The following PPP2R2D variants were observed in gnomAD, a reference collection of about 807,000 sequenced individuals.
PPP2R2D encodes the protein protein phosphatase 2 regulatory subunit Bdelta, also known as serine/threonine-protein phosphatase 2A 55 kDa regulatory subunit B delta isoform.
In PPP2R2D, 9 loss-of-function variants were observed where a neutral mutation model predicts 31.1. The ratio of observed to expected loss-of-function variants is 0.29; its 90% confidence interval spans 0.17 to 0.51. The LOEUF (loss-of-function observed/expected upper bound fraction) is 0.51. Ranked by LOEUF, PPP2R2D falls within the 20% of genes least tolerant of loss-of-function variation. The probability of loss-of-function intolerance (pLI) is 0.98; values close to 1 mark genes in which losing one functional copy is unlikely to be tolerated. For synonymous variants in PPP2R2D, 179 were observed against 172.6 expected, an observed-to-expected ratio of 1.04 and a Z score of -0.29; for missense variants, 391 against 465.6, an observed-to-expected ratio of 0.84 and a Z score of 1.48.
chr10:131,923,422 G>A (rs1374765523), intron 2 of PPP2R2D, among the ~76,000 whole-genome samples: 1 of 152,158 alleles, frequency 6.6e-6, no homozygotes, highest in South Asian at 2.1e-4. Flanking sequence ...TCTTGTACAT[G>A]TTTTTGTATA....
intron 2 of PPP2R2D, among the ~76,000 whole-genome samples, chr10:131,925,933 C>T (rs1419165475): frequency 4.6e-5 from 7 of 152,298 alleles, no homozygotes; most frequent in African/African-American, 9.6e-5. Flanking sequence ...CGTTTTTCAG[C>T]GCACACACAG....
chr10:131,939,481 G>A (rs1276325603), intron 3 of PPP2R2D, among the ~76,000 whole-genome samples: 1 of 72,912 alleles, frequency 1.4e-5, no homozygotes, highest in African/African-American at 6.1e-5. Flanking sequence ...CAGAAAACAC[G>A]GCAGGCTGCA....
chr10:131,965,186 A>G, the PPP2R2D span, among the ~76,000 whole-genome samples: 2 of 152,188 alleles, frequency 1.3e-5, no homozygotes, highest in Non-Finnish European at 2.9e-5. Flanking sequence ...AGGGGGCCAC[A>G]TGGCTGGCAG....
chr10:131,918,864 C>CAT (rs2035893152), intron 2 of PPP2R2D, among the ~76,000 whole-genome samples: 2 of 128,754 alleles, frequency 1.6e-5, no homozygotes, highest in African/African-American at 3.0e-5. Context: ...GGACCTCAGG[C>CAT]GGGTGGAATG....
At chr10:131,946,463 G>A (rs2036543582) in intron 7 of PPP2R2D, among the ~76,000 whole-genome samples, 1 of 152,168 alleles carries the variant, frequency 6.6e-6, no homozygotes, top group South Asian at 2.1e-4. Flanking sequence ...TCGGTGGAAT[G>A]TGCCCATGGA....
chr10:131,915,626 A>C (rs2035765500), intron 2 of PPP2R2D, among the ~76,000 whole-genome samples: 1 of 152,156 alleles, frequency 6.6e-6, no homozygotes, highest in Non-Finnish European at 1.5e-5. Context: ...GTGTTTATCC[A>C]AATAGATCCA....
chr10:131,928,245 C>T (rs11146134), intron 2 of PPP2R2D, among the ~76,000 whole-genome samples: 31,433 of 152,064 alleles, frequency 0.21, 3,395 homozygotes, highest in South Asian at 0.26. Flanking sequence ...TTATAACCAC[C>T]TCCTGGGCTG....
intron 2 of PPP2R2D, among the ~76,000 whole-genome samples, chr10:131,922,179 G>A (rs1050807861): frequency 1.8e-4 from 27 of 152,120 alleles, no homozygotes; most frequent in African/African-American, 6.5e-4. Flanking sequence ...CTAATTTTCC[G>A]AGTAAAACAC....
intron 2 of PPP2R2D, among the ~76,000 whole-genome samples, chr10:131,906,258 G>C (rs1214277146): frequency 6.6e-6 from 1 of 152,156 alleles, no homozygotes; most frequent in African/African-American, 2.4e-5. Context: ...TATTGAACCT[G>C]GTTTTATATA....
intron 8 of PPP2R2D, among the ~76,000 whole-genome samples, chr10:131,950,396 T>C (rs2036615136): frequency 6.6e-6 from 1 of 152,022 alleles, no homozygotes. Context: ...ATATCTTAAA[T>C]GCACCCAAGG....
chr10:131,959,168 G>GAGATGAAGGCGTGTGCTGATCCCCCC lies in PPP2R2D; in HGVS notation c.*3205_*3206insAGATGAAGGCGTGTGCTGATCCCCCC, dbSNP rs2036879201. ...AGATGAAGGTGTGTGCTGATCCCCG[G>GAGATGAAGGCGTGTGCTGATCCCCCC]TCCCCCTGTGGAGATGAAGGTGTGT... On this transcript the variant is annotated 3_prime_UTR_variant, in exon 9 of 9. Coordinates refer to ENST00000455566, the MANE Select transcript of PPP2R2D (RefSeq NM_018461.5). The GAGATGAAGGCGTGTGCTGATCCCCCC allele has an allele frequency of 1.6e-5, 1 of 64,332 alleles. No homozygotes were observed. Among genetic ancestry groups the GAGATGAAGGCGTGTGCTGATCCCCCC allele is most frequent in the Non-Finnish European group, 2.8e-5 (1 of 35,802 alleles). 4.0% of individuals were successfully genotyped at this position (64,332 alleles called of 1,614,324 possible).
intron 2 of PPP2R2D, among the ~76,000 whole-genome samples, chr10:131,903,881 A>G (rs943194113): frequency 3.9e-5 from 6 of 152,186 alleles, no homozygotes; most frequent in African/African-American, 1.4e-4. Flanking sequence ...GCCCAAACGC[A>G]ACCTTGAGGG....
chr10:131,939,156 G>A (rs367597918), intron 3 of PPP2R2D, among the ~76,000 whole-genome samples: 15,657 of 89,784 alleles, frequency 0.17, 1,537 homozygotes, highest in East Asian at 0.31. Context: ...ACGGCAGGCT[G>A]CATTCGGCAG....
intron 3 of PPP2R2D, among the ~76,000 whole-genome samples, chr10:131,938,919 T>C (rs992111829): frequency 1.3e-5 from 2 of 152,222 alleles, no homozygotes; most frequent in Non-Finnish European, 2.9e-5. Context: ...AGCAGACACT[T>C]TCTCTCCAGG....
At chr10:131,960,824 T>G (rs1409223037), downstream of PPP2R2D, among the ~76,000 whole-genome samples, 1 of 151,996 alleles carries the variant, frequency 6.6e-6, no homozygotes, top group African/African-American at 2.4e-5. Flanking sequence ...GGGAGTGAGG[T>G]CAGAGCCAGC....
At chr10:131,917,305 G>T (rs1350233140) in intron 2 of PPP2R2D, among the ~76,000 whole-genome samples, 1 of 133,320 alleles carries the variant, frequency 7.5e-6, no homozygotes, top group African/African-American at 2.9e-5. Flanking sequence ...CCTCAGGCAG[G>T]TGGAATGACA....
At chr10:131,921,401 A>G (rs1554894236) in intron 2 of PPP2R2D, among the ~76,000 whole-genome samples, 1 of 152,140 alleles carries the variant, frequency 6.6e-6, no homozygotes. Flanking sequence ...ATCCGTTGCC[A>G]TTTGATGAGG....
chr10:131,956,216 T>C lies in PPP2R2D; in HGVS notation c.*253T>C. 1 of 1,188,230 alleles carries C rather than the reference T, an allele frequency of 8.4e-7. No individual in the cohort carries two copies. Among genetic ancestry groups the C allele is most frequent in the Non-Finnish European group, 1.0e-6 (1 of 960,738 alleles). 73.6% of individuals were successfully genotyped at this position (1,188,230 alleles called of 1,614,324 possible). A position where few individuals can be genotyped will look rare whatever the true frequency, so the allele number is the denominator to read the frequency against. On this transcript the variant is annotated 3_prime_UTR_variant, in exon 9 of 9. Transcript: ENST00000455566. ...GACGGACACTGCTCCCAAAAGGTCA[T>C]TACTCAGAATAAATGTATTTATTTC...
chr10:131,902,919 G>A (rs957305005), intron 2 of PPP2R2D, among the ~76,000 whole-genome samples: 23 of 152,012 alleles, frequency 1.5e-4, no homozygotes, highest in Non-Finnish European at 2.5e-4. Context: ...ACCACACCAG[G>A]CTAATTTTTG....
Sources: allele counts gnomAD v4.1 joint callset (sites outside exome capture counted in the v4.1 genomes callset), GRCh38; gene constraint gnomAD v4.1.1; transcripts MANE v1.5; gene names NCBI Gene and HGNC (gene_info 2026-07-23, HGNC 2026-07-21).